CACNA1I: variants seen among roughly 807,000 people sequenced by gnomAD.
CACNA1I encodes the protein calcium voltage-gated channel subunit alpha1 I.
A neutral mutation model predicts 201.6 loss-of-function variants in CACNA1I; 74 were observed. The ratio of observed to expected loss-of-function variants is 0.37; its 90% confidence interval spans 0.30 to 0.45. CACNA1I has a LOEUF of 0.45. Ranked by LOEUF, CACNA1I falls within the 20% of genes least tolerant of loss-of-function variation. CACNA1I has a pLI of 1.00. For missense variants in CACNA1I, 2,346 were observed against 3,138.1 expected (o/e 0.75, Z 6.03); for synonymous variants, 1,431 against 1,345.2 (o/e 1.06, Z -1.40).
At position 39,650,058 on chromosome 22, in the gene CACNA1I, G is replaced by A. The variant is rs541483731; in HGVS notation, c.1992+133G>A. On this transcript the variant is annotated intron_variant, in intron 10 of 36. Transcript: ENST00000402142. ...CACCTAGAAGTGCCGGGCTGAGCTG[G>A]GTCCAGTTCATCCATGTGACCTTAC... 4,103 of 964,696 alleles carry A rather than the reference G, an allele frequency of 4.3e-3. 25 individuals are homozygous for A. Among genetic ancestry groups the A allele is most frequent in the Non-Finnish European group, 4.8e-3 (3,049 of 635,964 alleles). 59.8% of individuals were successfully genotyped at this position (964,696 alleles called of 1,614,324 possible).
chr22:39,607,276 G>A (rs1210301662), intron 3 of CACNA1I, among the ~76,000 whole-genome samples: 5 of 152,190 alleles, frequency 3.3e-5, no homozygotes, highest in Admixed American at 6.5e-5. Context: ...TCAGGAATGC[G>A]AACTGCCCCA....
rs1253243036 is a variant in CACNA1I at position 39,685,438 on chromosome 22, G to C, written c.6028-323G>C. On this transcript the variant is annotated intron_variant, in intron 36 of 36. Coordinates refer to ENST00000402142, the MANE Select transcript of CACNA1I (RefSeq NM_021096.4). This position sits in a 1 kb window ranked among gnomAD's most constrained non-coding sequence, Gnocchi z 5.0. The stretch of plus-strand genomic sequence containing the variant: ...GCCGCGTCAGACCATGGGGGGTGCG[G>C]TGGGGGTGCCACGTGCCCTGGGGGA... Among the ~76,000 whole-genome samples the C allele has an allele frequency of 6.6e-6, 1 of 151,314 alleles. No homozygotes were observed. Among genetic ancestry groups the C allele is most frequent in the Non-Finnish European group, 1.5e-5 (1 of 67,706 alleles).
Position 39,659,985 on chromosome 22 carries a change from G to C in CACNA1I, c.2604+133G>C. 1.0e-6 allele frequency: 1 copy of C among 966,956 alleles called. No individual in the cohort carries two copies. Among genetic ancestry groups the C allele is most frequent in the Non-Finnish European group, 1.6e-6 (1 of 639,630 alleles). 59.9% of individuals were successfully genotyped at this position (966,956 alleles called of 1,614,324 possible). On this transcript the variant is annotated intron_variant, in intron 14 of 36. Coordinates refer to ENST00000402142, the MANE Select transcript of CACNA1I (RefSeq NM_021096.4). The surrounding 1 kb of genome is among the most constrained non-coding windows in gnomAD (Gnocchi z 4.3). The stretch of plus-strand genomic sequence containing the variant: ...CAACCTATCCCTAAAGGAGGGGGTT[G>C]CTGATGAGGTGGTGAGCTCTTCATC...
chr22:39,651,613 G>A (rs1180274190), intron 10 of CACNA1I, among the ~76,000 whole-genome samples: 1 of 152,136 alleles, frequency 6.6e-6, no homozygotes, highest in Non-Finnish European at 1.5e-5. Context: ...AGTGCTGTGG[G>A]GCTCGCTCCA....
At chr22:39,597,421 C>G (rs1932916316) in intron 1 of CACNA1I, among the ~76,000 whole-genome samples, 1 of 152,152 alleles carries the variant, frequency 6.6e-6, no homozygotes, top group African/African-American at 2.4e-5. Context: ...GCAGCCTGGC[C>G]AGGTGCAGGA....
At chr22:39,669,496 G>A (rs867721722) in intron 24 of CACNA1I, among the ~76,000 whole-genome samples, 1 of 152,094 alleles carries the variant, frequency 6.6e-6, no homozygotes, top group South Asian at 2.1e-4. Context: ...TGGATGGATG[G>A]GTGGATGCAT....
chr22:39,672,660 G>C (rs1321423504), intron 27 of CACNA1I, among the ~76,000 whole-genome samples: 2 of 152,200 alleles, frequency 1.3e-5, no homozygotes, highest in Admixed American at 1.3e-4. Flanking sequence ...AGAGCAGCCA[G>C]CTCAAGATTA....
chr22:39,583,893 C>A (rs1358966304), intron 1 of CACNA1I, among the ~76,000 whole-genome samples: 1 of 152,248 alleles, frequency 6.6e-6, no homozygotes, highest in Non-Finnish European at 1.5e-5. Context: ...ACTGGCCCTG[C>A]ACATAGTAGG....
At chr22:39,634,915 C>T (rs1358674508) in intron 5 of CACNA1I, among the ~76,000 whole-genome samples, 191 bp downstream of exon 5, 1 of 152,052 alleles carries the variant, frequency 6.6e-6, no homozygotes, top group Non-Finnish European at 1.5e-5. Flanking sequence ...GACAGAAAAC[C>T]TGAAGAGCAG....
rs1461497406 is a variant in CACNA1I at position 39,684,133 on chromosome 22, TG to T, written c.5831-165del. Among the ~76,000 whole-genome samples the T allele has an allele frequency of 6.6e-6, 1 of 152,166 alleles. No homozygotes were observed. The highest frequency in any genetic ancestry group is 1.5e-5 in the Non-Finnish European group (1 of 68,024). ...CAGGATTTCTCTCTTGCTCTCACAA[TG>T]GGGAAACGAAGGCTTAGAGAGGGGG... On this transcript the variant is annotated intron_variant, in intron 35 of 36. Transcript: ENST00000402142. This position sits in a 1 kb window ranked among gnomAD's most constrained non-coding sequence, Gnocchi z 4.6.
chr22:39,586,078 T>C (rs1187516416), intron 1 of CACNA1I, among the ~76,000 whole-genome samples: 1 of 151,868 alleles, frequency 6.6e-6, no homozygotes, highest in East Asian at 1.9e-4. Context: ...CTCAGGGGGC[T>C]GAGGCAGGAG....
At chr22:39,645,003 T>A (rs902278292) in intron 7 of CACNA1I, among the ~76,000 whole-genome samples, 14 of 151,736 alleles carry the variant, frequency 9.2e-5, no homozygotes, top group Non-Finnish European at 1.9e-4. Flanking sequence ...TGCTTTTTTT[T>A]AAGACGGAGT....
chr22:39,661,328 G>C lies in CACNA1I; in HGVS notation c.2901+18G>C, dbSNP rs779653472. The C allele has an allele frequency of 6.6e-7, 1 of 1,526,656 alleles. No individual in the cohort carries two copies. The highest frequency in any genetic ancestry group is 1.4e-5 in the African/African-American group (1 of 72,394). 94.6% of individuals were successfully genotyped at this position (1,526,656 alleles called of 1,614,324 possible). ...GCTCCCTGGTGAGTCCTTGTGGGGA[G>C]CTCTGGACGGGCGCTTCCTGCTGGG... On this transcript the variant is annotated intron_variant, in intron 16 of 36. Coordinates refer to ENST00000402142, the MANE Select transcript of CACNA1I (RefSeq NM_021096.4).
At chr22:39,571,407 G>A (rs1019875039) in intron 1 of CACNA1I, among the ~76,000 whole-genome samples, 1 of 85,006 alleles carries the variant, frequency 1.2e-5, no homozygotes, top group Admixed American at 1.3e-4. Context: ...AACACACAGG[G>A]CAGGACTCAT....
At chr22:39,577,605 C>A (rs1331299093) in intron 1 of CACNA1I, among the ~76,000 whole-genome samples, 3 of 152,230 alleles carry the variant, frequency 2.0e-5, no homozygotes, top group Non-Finnish European at 4.4e-5. Flanking sequence ...ACCTGGACTG[C>A]GCGGAGCACA....
chr22:39,661,175 G>T lies in CACNA1I; in HGVS notation c.2766G>T (p.Gly922=). The change falls in exon 16 of 37, where the codon GGG becomes GGT. Residue 922 remains glycine, a synonymous_variant. Transcript: ENST00000402142. The part of the protein sequence containing the change: ...GHLDPSLPLG[G]HLGPAGAAGP... The stretch of plus-strand genomic sequence containing the variant: ...TGGACCCCAGTCTCCCACTGGGTGG[G>T]CACCTAGGTCCTGCTGGGGCTGCGG... 1 of 1,612,966 alleles carries T rather than the reference G, an allele frequency of 6.2e-7. No homozygotes were observed. Among genetic ancestry groups the T allele is most frequent in the Non-Finnish European group, 8.5e-7 (1 of 1,179,670 alleles).
intron 1 of CACNA1I, among the ~76,000 whole-genome samples, chr22:39,575,780 AT>A (rs67493157): frequency 0.27 from 39,521 of 144,354 alleles, 6,475 homozygotes; most frequent in East Asian, 0.72. Flanking sequence ...CTTTTCTTTC[AT>A]TTTTTTTTTT....
At chr22:39,572,890 G>A (rs1392819267) in intron 1 of CACNA1I, among the ~76,000 whole-genome samples, 1 of 152,006 alleles carries the variant, frequency 6.6e-6, no homozygotes, top group Non-Finnish European at 1.5e-5. Flanking sequence ...CCGAGTAGCT[G>A]GGACTACAGG....
At chr22:39,680,871 G>A in intron 33 of CACNA1I, 59 bp from the exon 34 acceptor site, 1 of 1,560,916 alleles carries the variant, frequency 6.4e-7, no homozygotes, top group Non-Finnish European at 8.6e-7. Flanking sequence ...GCACGCCCCA[G>A]GACCCAGGTC....
Sources: gnomAD v4.1 joint callset for allele counts (sites outside exome capture counted in the v4.1 genomes callset) on GRCh38, gnomAD v4.1.1 for gene constraint, Gnocchi (gnomAD v3.1) non-coding constraint, MANE v1.5 for transcripts, NCBI Gene and HGNC (gene_info 2026-07-23, HGNC 2026-07-21) for gene names.